VAC14: variants seen among roughly 807,000 people sequenced by gnomAD.
VAC14 encodes VAC14 component of PIKFYVE complex, also known as protein VAC14 homolog.
Under a neutral mutation model 85.3 loss-of-function variants are expected in VAC14, and 47 were observed. That is an observed-to-expected ratio of 0.55 (90% CI 0.44 to 0.70). VAC14 has a LOEUF of 0.70. Ranked by LOEUF, VAC14 falls within the 30% of genes least tolerant of loss-of-function variation. The probability of loss-of-function intolerance (pLI) is 0.00; values close to 1 mark genes in which losing one functional copy is unlikely to be tolerated. For missense variants in VAC14, 861 were observed against 1,004.3 expected, an observed-to-expected ratio of 0.86 and a Z score of 1.93; for synonymous variants, 447 against 430.5, an observed-to-expected ratio of 1.04 and a Z score of -0.47.
intron 13 of VAC14, among the ~76,000 whole-genome samples, chr16:70,733,880 C>T (rs946456550): frequency 2.0e-5 from 3 of 152,274 alleles, no homozygotes; most frequent in African/African-American, 7.2e-5. Flanking sequence ...GGCTTGAGTA[C>T]AATGGCACGG....
chr16:70,744,397 G>A, intron 13 of VAC14, 26 bp downstream of exon 13: 1 of 1,613,798 alleles, frequency 6.2e-7, no homozygotes, highest in Non-Finnish European at 8.5e-7. Flanking sequence ...GGCCCCTGAG[G>A]CTAGAACCTT....
At position 70,695,605 on chromosome 16, in the gene VAC14, G is replaced by A. The variant is rs141767501; in HGVS notation, c.1974C>T (p.Thr658=). 7 of 1,613,790 alleles carry A rather than the reference G, an allele frequency of 4.3e-6. No individual in the cohort carries two copies. The highest frequency in any genetic ancestry group is 4.5e-5 in the East Asian group (2 of 44,878). ...LIQKFGDLEV[T]VDFLAEVDKL... The stretch of plus-strand genomic sequence containing the variant: ...TGTCCACCTCTGCGAGGAAGTCCAC[G>A]GTGACCTCCAGGTCCCCACTGGGTG... Residue 658 remains threonine (T), a synonymous_variant, in exon 17 of 19, where the codon ACC becomes ACT. Transcript: ENST00000261776.
At chr16:70,737,116 C>T (rs2054781110) in intron 13 of VAC14, among the ~76,000 whole-genome samples, 2 of 152,192 alleles carry the variant, frequency 1.3e-5, no homozygotes, top group South Asian at 2.1e-4. Context: ...GGGAGGGTGA[C>T]TACAGGAGAA....
At chr16:70,738,882 C>T (rs879653527) in intron 13 of VAC14, among the ~76,000 whole-genome samples, 3 of 152,144 alleles carry the variant, frequency 2.0e-5, no homozygotes, top group Non-Finnish European at 2.9e-5. Flanking sequence ...GAGGAGCCTC[C>T]GCATGCACTT....
intron 14 of VAC14, among the ~76,000 whole-genome samples, chr16:70,718,233 TAGG>T (rs1324423710): frequency 1.8e-4 from 27 of 152,298 alleles, no homozygotes; most frequent in Non-Finnish European, 1.5e-5. Flanking sequence ...TCACAGGGAT[TAGG>T]AGGAGATAGT....
chr16:70,692,182 G>T, intron 18 of VAC14: 1 of 751,190 alleles, frequency 1.3e-6, no homozygotes, highest in Non-Finnish European at 1.6e-6. Flanking sequence ...GGTGGGAGCC[G>T]GCACTCCTCT....
At chr16:70,707,675 C>T (rs546726839) in intron 14 of VAC14, among the ~76,000 whole-genome samples, 1 of 152,328 alleles carries the variant, frequency 6.6e-6, no homozygotes, top group South Asian at 2.1e-4. Flanking sequence ...AGCAAGTTGA[C>T]TCCCGCTTTC....
At position 70,780,824 on chromosome 16, in the gene VAC14, G is replaced by A. The variant is rs553657818; in HGVS notation, c.1062C>T (p.Asp354=). 8.3e-5 allele frequency: 133 copies of A among 1,611,206 alleles called. 1 individual carries two copies. In the South Asian group the frequency reaches 1.3e-3, roughly 16 times the overall value. ...PGQRQAEPTP[D]DALPKQEGTA... ...TGCCCTCCTGCTTTGGCAGGGCATC[G>A]TCAGGGGTGGGCTCTGCCTGCCTCT... The change falls in exon 9 of 19, where the codon GAC becomes GAT. Residue 354 remains aspartate, a synonymous_variant. Coordinates refer to ENST00000261776, the MANE Select transcript of VAC14 (RefSeq NM_018052.5).
rs1194734092 is a variant in VAC14 at position 70,695,770 on chromosome 16, C to CTCT, written c.1956-150_1956-148dup. 4.4e-6 allele frequency: 3 copies of CTCT among 689,350 alleles called. No homozygotes were observed. In the East Asian group the frequency reaches 8.2e-5, roughly 19 times the overall value. 42.7% of individuals were successfully genotyped at this position (689,350 alleles called of 1,614,324 possible). A position where few individuals can be genotyped will look rare whatever the true frequency, so the allele number is the denominator to read the frequency against. On this transcript the variant is annotated intron_variant, in intron 16 of 18. Transcript: ENST00000261776. Reference sequence around the variant, plus strand: ...GATTTGGCGCACAAAGGACACCAGGCTCTTCCCTGTTCCTCGCCTTTCTGT... The same window carrying CTCT: ...GATTTGGCGCACAAAGGACACCAGGCTCTTCTTCCCTGTTCCTCGCCTTTCTGT...
At chr16:70,794,064 T>C (rs2034442909) in intron 1 of VAC14, among the ~76,000 whole-genome samples, 1 of 152,018 alleles carries the variant, frequency 6.6e-6, no homozygotes. Context: ...TGATCTCGGG[T>C]GACAGTAGTT....
chr16:70,736,915 G>A (rs1004912952), intron 13 of VAC14, among the ~76,000 whole-genome samples: 1 of 152,126 alleles, frequency 6.6e-6, no homozygotes, highest in Admixed American at 6.5e-5. Flanking sequence ...GGGCGGGCTG[G>A]ACAGGGATGG....
intron 9 of VAC14, chr16:70,773,003 G>A (rs569760608): frequency 2.6e-5 from 4 of 152,188 alleles, no homozygotes; most frequent in Admixed American, 6.5e-5. Flanking sequence ...TCCCTTTCTC[G>A]AAAGTGTTTA....
Position 70,781,950 on chromosome 16 carries a change from C to T in VAC14, c.865G>A (p.Ala289Thr). 1 of 1,614,100 alleles carries T rather than the reference C, an allele frequency of 6.2e-7. No individual in the cohort carries two copies. Among genetic ancestry groups the T allele is most frequent in the Non-Finnish European group, 8.5e-7 (1 of 1,180,022 alleles). Residue 289 changes from alanine to threonine, a missense_variant, in exon 8 of 19, where the codon GCG becomes ACG. Physicochemically the swap from Ala to Thr is moderately conservative, Grantham distance 58 (BLOSUM62 0). Coordinates refer to ENST00000261776, the MANE Select transcript of VAC14 (RefSeq NM_018052.5). ...MCWMREFIQL[A>T]GRVMLPYSSG... The stretch of plus-strand genomic sequence containing the variant: ...GAGTAAGGCAGCATGACGCGGCCCG[C>T]CAGCTGGATGAACTCCCGCATCCAG...
At chr16:70,797,355 C>T (rs967107840) in intron 1 of VAC14, among the ~76,000 whole-genome samples, 2 of 152,134 alleles carry the variant, frequency 1.3e-5, no homozygotes, top group Non-Finnish European at 2.9e-5. Flanking sequence ...GATAATCTCT[C>T]TATTTTTAAG....
intron 6 of VAC14, 49 bp from the exon 7 acceptor site, chr16:70,783,188 G>A (rs1342576141): frequency 6.3e-7 from 1 of 1,581,822 alleles, no homozygotes; most frequent in Non-Finnish European, 8.6e-7. Flanking sequence ...AGCCAGGGCT[G>A]GAGGAGCCTC....
chr16:70,712,604 A>G (rs1343133877), intron 14 of VAC14, among the ~76,000 whole-genome samples: 3 of 152,192 alleles, frequency 2.0e-5, no homozygotes, highest in African/African-American at 7.2e-5. Flanking sequence ...CTCCGAGTCC[A>G]GAGACCACTG....
intron 18 of VAC14, chr16:70,688,967 G>C (rs755452465): frequency 2.0e-6 from 2 of 985,532 alleles, no homozygotes; most frequent in Non-Finnish European, 2.4e-6. Flanking sequence ...CCTGAGGCCT[G>C]GTGGACCTGG....
intron 14 of VAC14, among the ~76,000 whole-genome samples, chr16:70,719,320 C>G (rs1369826365): frequency 6.6e-6 from 1 of 152,108 alleles, no homozygotes; most frequent in Non-Finnish European, 1.5e-5. Context: ...GCTCCTAATT[C>G]CCCGAAAAAG....
At chr16:70,766,549 T>C (rs866279058) in intron 10 of VAC14, 22 of 456,736 alleles carry the variant, frequency 4.8e-5, no homozygotes, top group African/African-American at 4.0e-4. Context: ...AGGAACCTCA[T>C]GGTTCAGGTA....
Sources: gnomAD v4.1 joint callset for allele counts (sites outside exome capture counted in the v4.1 genomes callset) on GRCh38, gnomAD v4.1.1 for gene constraint, MANE v1.5 for transcripts, NCBI Gene and HGNC (gene_info 2026-07-23, HGNC 2026-07-21) for gene names.